The following RPA2 variants were observed in gnomAD, a reference collection of about 807,000 sequenced individuals.
RPA2 encodes the protein replication protein A 32 kDa subunit.
Under a neutral mutation model 33.4 loss-of-function variants are expected in RPA2, and 22 were observed. That is an observed-to-expected ratio of 0.66 (90% confidence interval 0.47 to 0.94). The LOEUF (loss-of-function observed/expected upper bound fraction) is 0.94. RPA2 is among the 40% of genes least tolerant of loss of function. The pLI, the probability that RPA2 is intolerant of heterozygous loss-of-function variation, is 0.00. For synonymous variants in RPA2, 109 were observed against 114.9 expected (o/e 0.95, Z 0.33); for missense variants, 279 against 329.9 (o/e 0.85, Z 1.19).
At chr1:27,899,752 C>T (rs1557467167) in intron 4 of RPA2, among the ~76,000 whole-genome samples, 1 of 152,064 alleles carries the variant, frequency 6.6e-6, no homozygotes, top group Non-Finnish European at 1.5e-5. Flanking sequence ...GGGATCTCAG[C>T]TCACTGCAAG....
chr1:27,914,106 C>G lies in RPA2; in HGVS notation c.74G>C (p.Gly25Ala). The G allele has an allele frequency of 1.2e-6, 2 of 1,612,684 alleles. No homozygotes were observed. Among genetic ancestry groups the G allele is most frequent in the Non-Finnish European group, 1.7e-6 (2 of 1,179,546 alleles). The change falls in exon 2 of 9, where the codon GGG (glycine) becomes GCG (alanine). Residue 25 changes from glycine (G) to alanine (A), a missense_variant. Around this residue, in one of 2 missense-constraint regions of RPA2, gnomAD observed 274 missense variants for 310.3 expected, o/e 0.88. Coordinates refer to ENST00000373912, the MANE Select transcript of RPA2 (RefSeq NM_002946.5). Reference sequence around the variant, plus strand: ...AGAAGGTGCGGGCGATCCAAAGCCCCCCGGGGACTGCGTGTAGCCGCCGGC... The same window carrying G: ...AGAAGGTGCGGGCGATCCAAAGCCCGCCGGGGACTGCGTGTAGCCGCCGGC... ...GGAGGYTQSPGGFGSPAPSQA... is the reference protein window; with the variant it reads ...GGAGGYTQSPAGFGSPAPSQA...
chr1:27,913,357 G>A (rs1463311960), intron 2 of RPA2, among the ~76,000 whole-genome samples: 1 of 151,054 alleles, frequency 6.6e-6, no homozygotes, highest in Non-Finnish European at 1.5e-5. Context: ...GGGAGGCTGA[G>A]GCGGGTGGAT....
rs1217081627 is a variant in RPA2, at chr1:27,894,000, T to C, written c.728+12A>G. 1 of 1,608,126 alleles carries C rather than the reference T, an allele frequency of 6.2e-7. No homozygotes were observed. The highest frequency in any genetic ancestry group is 8.5e-7 in the Non-Finnish European group (1 of 1,174,568). On this transcript the variant is annotated intron_variant, in intron 8 of 8. Coordinates refer to ENST00000373912, the MANE Select transcript of RPA2 (RefSeq NM_002946.5). ...ATGCCAGAGCCTGAGCTCATGAAAA[T>C]CAAATACTTACTTGATTGAGGATAC...
Position 27,914,552 on chromosome 1 carries a change from C to T in RPA2, c.-109G>A. On this transcript the variant is annotated 5_prime_UTR_variant, in exon 1 of 9. Coordinates refer to ENST00000373912, the MANE Select transcript of RPA2 (RefSeq NM_002946.5). ...CGCCGCTCTGGCTACTTTTCTCTGGCACCACAAACGCCTTCCCGCGAATGG... is the reference window on the plus strand; with the variant it reads ...CGCCGCTCTGGCTACTTTTCTCTGGTACCACAAACGCCTTCCCGCGAATGG... 2 of 1,610,400 alleles carry T rather than the reference C, an allele frequency of 1.2e-6. No individual in the cohort carries two copies. Among genetic ancestry groups the T allele is most frequent in the Non-Finnish European group, 1.7e-6 (2 of 1,178,672 alleles).
At chr1:27,894,586 C>T (rs28904898) in intron 6 of RPA2, among the ~76,000 whole-genome samples, 189 bp from the exon 7 acceptor site, 1 of 152,256 alleles carries the variant, frequency 6.6e-6, no homozygotes, top group East Asian at 1.9e-4. Context: ...AAGTAACTCC[C>T]CGAAGCACAT....
intron 2 of RPA2, among the ~76,000 whole-genome samples, chr1:27,912,082 A>T (rs1327910378): frequency 2.8e-5 from 4 of 143,440 alleles, no homozygotes. Flanking sequence ...CGACAGAGTG[A>T]GACTCTGTCT....
In RPA2 at chr1:27,913,704, C is replaced by A. The variant is rs2090130547; in HGVS notation, c.117+359G>T. On this transcript the variant is annotated intron_variant, in intron 2 of 8. Coordinates refer to ENST00000373912, the MANE Select transcript of RPA2 (RefSeq NM_002946.5). Reference sequence around the variant, plus strand: ...GGCCGAGGTGGGAGGATCGCTTGAGCTCAGGAGTCGGAGACCAGCCTGGGC... The same window carrying A: ...GGCCGAGGTGGGAGGATCGCTTGAGATCAGGAGTCGGAGACCAGCCTGGGC... 2.0e-5 allele frequency among the ~76,000 whole-genome samples: 3 copies of A among 151,548 alleles called. No individual in the cohort carries two copies. In the South Asian group the frequency reaches 6.3e-4, roughly 32 times the overall value.
At chr1:27,902,960 T>C (rs1490387749) in intron 4 of RPA2, among the ~76,000 whole-genome samples, 2 of 152,198 alleles carry the variant, frequency 1.3e-5, no homozygotes, top group African/African-American at 4.8e-5. Context: ...GATGGAGTTT[T>C]GCTCTTGTTG....
At chr1:27,908,251 G>C (rs2090055406) in intron 2 of RPA2, among the ~76,000 whole-genome samples, 1 of 151,764 alleles carries the variant, frequency 6.6e-6, no homozygotes. Flanking sequence ...AGTCTCCTGA[G>C]TAGCTGGGAC....
intron 8 of RPA2, 67 bp from the exon 9 acceptor site, chr1:27,892,314 T>C: frequency 8.3e-7 from 1 of 1,206,886 alleles, no homozygotes. Flanking sequence ...GCCTTTTGGA[T>C]ATGGCCAAAT....
intron 4 of RPA2, among the ~76,000 whole-genome samples, chr1:27,904,648 G>A (rs1045269344): frequency 2.6e-5 from 4 of 151,348 alleles, no homozygotes; most frequent in African/African-American, 9.8e-5. Context: ...AAGGAGAACC[G>A]CATTTTTTTT....
rs149952555 is a variant in RPA2, at chr1:27,903,397, T to C, written c.333+3531A>G. 2.6e-5 allele frequency among the ~76,000 whole-genome samples: 4 copies of C among 152,192 alleles called. No individual in the cohort carries two copies. The South Asian group carries it at 8.3e-4, about 32-fold the overall frequency. On this transcript the variant is annotated intron_variant, in intron 4 of 8. Transcript: ENST00000373912. ...TGGAATCGGTGGTCATTTAAAATGATAGATGTAAATCTTTACAGATAACAT... is the reference window on the plus strand; with the variant it reads ...TGGAATCGGTGGTCATTTAAAATGACAGATGTAAATCTTTACAGATAACAT...
upstream of RPA2, chr1:27,914,762 G>A (rs1390883320): frequency 2.1e-5 from 27 of 1,306,058 alleles, no homozygotes; most frequent in Middle Eastern, 5.5e-4. Context: ...CAAGGGGCTG[G>A]CAGAGCGGTA....
intron 2 of RPA2, among the ~76,000 whole-genome samples, chr1:27,909,145 G>A (rs2090067184): frequency 6.6e-6 from 1 of 152,156 alleles, no homozygotes; most frequent in Non-Finnish European, 1.5e-5. Context: ...GCACAAAAAC[G>A]ATGAGAGCTC....
intron 2 of RPA2, 107 bp downstream of exon 2, chr1:27,913,956 C>T: frequency 9.9e-7 from 1 of 1,012,116 alleles, no homozygotes; most frequent in Non-Finnish European, 1.4e-6. Context: ...ATCATTATCG[C>T]ATCAGTTCAC....
At chr1:27,903,449 T>C (rs2089991549) in intron 4 of RPA2, among the ~76,000 whole-genome samples, 1 of 151,930 alleles carries the variant, frequency 6.6e-6, no homozygotes, top group Non-Finnish European at 1.5e-5. Flanking sequence ...GGCTGGGCCA[T>C]GGTGGCTCAA....
chr1:27,908,355 C>G (rs1365137325), intron 2 of RPA2, among the ~76,000 whole-genome samples: 1 of 151,628 alleles, frequency 6.6e-6, no homozygotes, highest in African/African-American at 2.4e-5. Context: ...GTCTTAAACT[C>G]TTGGTCTCAA....
intron 4 of RPA2, among the ~76,000 whole-genome samples, chr1:27,904,682 C>A (rs1237013407): frequency 1.3e-5 from 2 of 151,348 alleles, no homozygotes; most frequent in Non-Finnish European, 2.9e-5. Flanking sequence ...TGCTCTGTTG[C>A]CCAGAGCAAC....
chr1:27,914,359 C>T, intron 1 of RPA2, 75 bp downstream of exon 1: 1 of 1,614,100 alleles, frequency 6.2e-7, no homozygotes, highest in Non-Finnish European at 8.5e-7. Flanking sequence ...ACACGCCTCT[C>T]GGACCCTAGG....
Sources: gnomAD v4.1 joint callset for allele counts (sites outside exome capture counted in the v4.1 genomes callset) on GRCh38, gnomAD v4.1.1 for gene constraint, gnomAD v4.1.1 regional missense constraint, MANE v1.5 for transcripts, NCBI Gene and HGNC (gene_info 2026-07-23, HGNC 2026-07-21) for gene names.